The following GALNT14 variants were observed in gnomAD, a reference collection of about 807,000 sequenced individuals.
GALNT14 encodes polypeptide N-acetylgalactosaminyltransferase 14, also known as UDP-GalNAc:polypeptide N-acetylgalactosaminyltransferase 14.
Under a neutral mutation model 77.5 loss-of-function variants are expected in GALNT14, and 60 were observed. That is an observed-to-expected ratio of 0.77 (90% confidence interval 0.63 to 0.96). The LOEUF is 0.96. GALNT14 is among the 40% of genes least tolerant of loss of function. The pLI is 0.00. For missense variants in GALNT14, 710 were observed against 731.0 expected (o/e 0.97, Z 0.33); for synonymous variants, 280 against 281.7 (o/e 0.99, Z 0.06).
chr2:30,933,426 C>T (rs1224370302), intron 9 of GALNT14, among the ~76,000 whole-genome samples: 1 of 152,172 alleles, frequency 6.6e-6, no homozygotes, highest in African/African-American at 2.4e-5. Context: ...ACAGGGCCTT[C>T]GTATCACATG....
chr2:30,938,801 C>T (rs1336745135), intron 9 of GALNT14, among the ~76,000 whole-genome samples: 1 of 152,198 alleles, frequency 6.6e-6, no homozygotes, highest in Non-Finnish European at 1.5e-5. Context: ...TGGCCAGAGC[C>T]TGTCCCAATC....
intron 1 of GALNT14, among the ~76,000 whole-genome samples, chr2:31,126,353 T>G (rs1251113584): frequency 1.3e-5 from 2 of 152,030 alleles, no homozygotes; most frequent in African/African-American, 2.4e-5. Context: ...CATATGGAAG[T>G]TGAAAGAGGG....
chr2:31,044,444 G>C (rs1215463338), intron 1 of GALNT14, among the ~76,000 whole-genome samples: 1 of 152,186 alleles, frequency 6.6e-6, no homozygotes, highest in Non-Finnish European at 1.5e-5. Flanking sequence ...GATTTATTAA[G>C]TGTCCTCTGT....
chr2:31,112,163 C>T (rs554087537), intron 1 of GALNT14, among the ~76,000 whole-genome samples: 2 of 152,298 alleles, frequency 1.3e-5, no homozygotes, highest in South Asian at 4.1e-4. Context: ...GAAGTGTCTT[C>T]CAAAATGCCC....
intron 1 of GALNT14, among the ~76,000 whole-genome samples, chr2:31,036,217 C>G (rs1399658645): frequency 6.6e-6 from 1 of 152,042 alleles, no homozygotes; most frequent in Non-Finnish European, 1.5e-5. Context: ...TCTATTTCTC[C>G]ATTACTGCCT....
the GALNT14 span, among the ~76,000 whole-genome samples, chr2:30,896,834 C>T: frequency 1.2e-4 from 18 of 152,100 alleles, no homozygotes; most frequent in East Asian, 9.7e-4. Flanking sequence ...CACATCCACC[C>T]CCACAATTGG....
chr2:31,042,461 A>G (rs1056135012), intron 1 of GALNT14, among the ~76,000 whole-genome samples: 17 of 152,164 alleles, frequency 1.1e-4, no homozygotes, highest in African/African-American at 4.1e-4. Context: ...GGGCTCAGAC[A>G]TAGTGTGGGG....
At chr2:31,037,775 A>G (rs561088107) in intron 1 of GALNT14, among the ~76,000 whole-genome samples, 2 of 151,952 alleles carry the variant, frequency 1.3e-5, no homozygotes, top group Non-Finnish European at 2.9e-5. Context: ...GTTTTGAATC[A>G]ATACGTCTCC....
intron 2 of GALNT14, among the ~76,000 whole-genome samples, chr2:30,988,730 A>G (rs1669475762): frequency 1.3e-5 from 2 of 152,222 alleles, no homozygotes; most frequent in African/African-American, 4.8e-5. Flanking sequence ...TTGAGCCGGC[A>G]TCAGAATCAC....
intron 1 of GALNT14, among the ~76,000 whole-genome samples, chr2:31,010,834 T>A (rs917840324): frequency 1.3e-5 from 2 of 152,208 alleles, no homozygotes; most frequent in Admixed American, 6.5e-5. Context: ...TCATCCCATC[T>A]CATAGGGCTT....
At chr2:31,027,376 C>T (rs1672127858) in intron 1 of GALNT14, among the ~76,000 whole-genome samples, 1 of 147,092 alleles carries the variant, frequency 6.8e-6, no homozygotes, top group Non-Finnish European at 1.5e-5. Context: ...GAGATCGCGC[C>T]ATTGCACTCC....
intron 1 of GALNT14, among the ~76,000 whole-genome samples, chr2:31,098,755 C>T (rs544160273): frequency 6.6e-6 from 1 of 152,148 alleles, no homozygotes. Context: ...ACATAAACAG[C>T]CCATTAGCAC....
chr2:30,911,721 A>G (rs1310903860), intron 14 of GALNT14, among the ~76,000 whole-genome samples: 1 of 152,236 alleles, frequency 6.6e-6, no homozygotes, highest in African/African-American at 2.4e-5. Flanking sequence ...GTAAACCATA[A>G]AACAGGCATT....
rs1664407028 is a variant in GALNT14, at chr2:30,912,215, G to A, written c.1500+8C>T. 3 of 1,614,034 alleles carry A rather than the reference G, an allele frequency of 1.9e-6. No individual in the cohort carries two copies. The highest frequency in any genetic ancestry group is 2.5e-6 in the Non-Finnish European group (3 of 1,179,956). On this transcript the variant is annotated splice_region_variant and intron_variant, in intron 14 of 14. Coordinates refer to ENST00000349752, the MANE Select transcript of GALNT14 (RefSeq NM_024572.4). The stretch of plus-strand genomic sequence containing the variant: ...TGGCCACATCCCAGGGACCTGCTGA[G>A]CACTTACCTGTCGGTCATCTCCATT...
chr2:30,970,306 G>A (rs1016931547), intron 2 of GALNT14, among the ~76,000 whole-genome samples: 5 of 152,176 alleles, frequency 3.3e-5, no homozygotes, highest in Admixed American at 1.3e-4. Flanking sequence ...CTGCATTTGA[G>A]TCTGGACATG....
intron 1 of GALNT14, among the ~76,000 whole-genome samples, chr2:31,054,189 T>C (rs1047287470): frequency 6.6e-6 from 1 of 152,242 alleles, no homozygotes; most frequent in African/African-American, 2.4e-5. Flanking sequence ...TCCCCTGGGA[T>C]GAGCTGTCTG....
intron 1 of GALNT14, among the ~76,000 whole-genome samples, chr2:31,002,797 C>A (rs769058709): frequency 6.6e-5 from 10 of 152,178 alleles, no homozygotes; most frequent in Non-Finnish European, 1.2e-4. Flanking sequence ...CCACAGCGTG[C>A]AGAACAAGTT....
At chr2:30,936,567 C>CTACT (rs1434662498) in intron 9 of GALNT14, among the ~76,000 whole-genome samples, 1 of 152,178 alleles carries the variant, frequency 6.6e-6, no homozygotes, top group African/African-American at 2.4e-5. Flanking sequence ...ACTCACCTGG[C>CTACT]TACTGTCATT....
chr2:31,082,710 A>C (rs1410912103), intron 1 of GALNT14, among the ~76,000 whole-genome samples: 2 of 152,198 alleles, frequency 1.3e-5, no homozygotes, highest in Non-Finnish European at 2.9e-5. Flanking sequence ...GATGATAAAA[A>C]GGAAGAAATA....
Sources: gnomAD v4.1 joint callset for allele counts (sites outside exome capture counted in the v4.1 genomes callset) on GRCh38, gnomAD v4.1.1 for gene constraint, MANE v1.5 for transcripts, NCBI Gene and HGNC (gene_info 2026-07-23, HGNC 2026-07-21) for gene names.